C1orf185: variants seen among roughly 807,000 people sequenced by gnomAD.
C1orf185 encodes chromosome 1 open reading frame 185.
C1orf185 carries 13 observed loss-of-function variants against 16.1 expected under a neutral mutation model. That is an observed-to-expected ratio of 0.81 (90% CI 0.53 to 1.28). The LOEUF is 1.28. Among genes scored for constraint, C1orf185 ranks in the 50% most tolerant of loss-of-function variants. The pLI is 0.00. For synonymous variants in C1orf185, 80 were observed against 76.9 expected, an observed-to-expected ratio of 1.04 and a Z score of -0.21; for missense variants, 220 against 225.2, an observed-to-expected ratio of 0.98 and a Z score of 0.15.
intron 3 of C1orf185, among the ~76,000 whole-genome samples, chr1:51,142,689 A>G (rs1646373086): frequency 6.6e-6 from 1 of 152,142 alleles, no homozygotes; most frequent in African/African-American, 2.4e-5. Flanking sequence ...AAAGTTGTTC[A>G]TGATATTCCT....
chr1:51,126,756 G>A (rs1646243364), intron 3 of C1orf185, among the ~76,000 whole-genome samples: 1 of 152,028 alleles, frequency 6.6e-6, no homozygotes, highest in South Asian at 2.1e-4. Flanking sequence ...AACCAACACT[G>A]GTACATTATT....
downstream of C1orf185, among the ~76,000 whole-genome samples, chr1:51,152,052 T>A (rs1646431750): frequency 6.6e-6 from 1 of 152,136 alleles, no homozygotes; most frequent in Non-Finnish European, 1.5e-5. Flanking sequence ...ACAACTGAAC[T>A]GGGTCAAGCA....
chr1:51,135,626 T>C (rs537085634), intron 3 of C1orf185, among the ~76,000 whole-genome samples: 1 of 152,330 alleles, frequency 6.6e-6, no homozygotes, highest in Non-Finnish European at 1.5e-5. Context: ...TTAAGAATTC[T>C]TAATAAACTA....
At position 51,146,133 on chromosome 1, in the gene C1orf185, G is replaced by A. The variant is rs186728970; in HGVS notation, c.295+373G>A. On this transcript the variant is annotated intron_variant, in intron 4 of 4. Coordinates refer to ENST00000371759, the MANE Select transcript of C1orf185 (RefSeq NM_001136508.2). Reference sequence around the variant, plus strand: ...AATATAAAATATAACAAGATATTTTGCAGAGCTTTAAAAATGTAGAAAATA... The same window carrying A: ...AATATAAAATATAACAAGATATTTTACAGAGCTTTAAAAATGTAGAAAATA... Among the ~76,000 whole-genome samples, 201 of 152,012 alleles carry A rather than the reference G, an allele frequency of 1.3e-3. 2 individuals carry two copies. Among genetic ancestry groups the A allele is most frequent in the Middle Eastern group, 3.4e-3 (1 of 292 alleles).
At chr1:51,118,342 A>G (rs1172435438) in intron 2 of C1orf185, among the ~76,000 whole-genome samples, 1 of 152,238 alleles carries the variant, frequency 6.6e-6, no homozygotes, top group Non-Finnish European at 1.5e-5. Flanking sequence ...AAAACCAACT[A>G]ATTTTCTCAC....
At chr1:51,119,978 G>A (rs1432077614) in intron 3 of C1orf185, among the ~76,000 whole-genome samples, 3 of 151,646 alleles carry the variant, frequency 2.0e-5, no homozygotes, top group Non-Finnish European at 4.4e-5. Context: ...TTGAAGAAGT[G>A]CAGACAAAAA....
At chr1:51,146,386 G>A (rs994840575) in intron 4 of C1orf185, among the ~76,000 whole-genome samples, 4 of 151,014 alleles carry the variant, frequency 2.6e-5, no homozygotes, top group African/African-American at 9.7e-5. Flanking sequence ...TTGAACCCAG[G>A]AGGCGGAGGT....
Position 51,142,722 on chromosome 1 carries a change from G to T in C1orf185, c.259-3002G>T, listed in dbSNP as rs537555360. 4.6e-5 allele frequency among the ~76,000 whole-genome samples: 7 copies of T among 152,050 alleles called. No homozygotes were observed. In the East Asian group the frequency reaches 1.4e-3, roughly 29 times the overall value. ...CCTTTATTATTTATTTAATGTATCT[G>T]GTATCTGTAGTGATATTCTCTTGTT... On this transcript the variant is annotated intron_variant, in intron 3 of 4. Coordinates refer to ENST00000371759, the MANE Select transcript of C1orf185 (RefSeq NM_001136508.2).
intron 3 of C1orf185, among the ~76,000 whole-genome samples, chr1:51,135,072 T>C (rs2148027024): frequency 6.6e-6 from 1 of 152,312 alleles, no homozygotes; most frequent in East Asian, 1.9e-4. Flanking sequence ...CCTATATCTT[T>C]GAAGAACATT....
chr1:51,135,617 T>G (rs1646318244), intron 3 of C1orf185, among the ~76,000 whole-genome samples: 1 of 152,098 alleles, frequency 6.6e-6, no homozygotes. Flanking sequence ...AACTTCATGT[T>G]AAGAATTCTT....
chr1:51,121,680 T>C (rs1285993525), intron 3 of C1orf185, among the ~76,000 whole-genome samples: 2 of 152,116 alleles, frequency 1.3e-5, no homozygotes, highest in African/African-American at 2.4e-5. Flanking sequence ...GGCAGGAGGA[T>C]AAAATGATAA....
At chr1:51,139,731 C>T (rs368383318) in intron 3 of C1orf185, among the ~76,000 whole-genome samples, 2 of 152,062 alleles carry the variant, frequency 1.3e-5, no homozygotes, top group Non-Finnish European at 1.5e-5. Flanking sequence ...AAAACTTGTA[C>T]GAACCATTAT....
At chr1:51,142,775 T>C (rs1646373757) in intron 3 of C1orf185, among the ~76,000 whole-genome samples, 1 of 152,124 alleles carries the variant, frequency 6.6e-6, no homozygotes, top group South Asian at 2.1e-4. Flanking sequence ...TTTGGTTTTG[T>C]TTTTTGATTT....
At chr1:51,136,567 C>T (rs1051231090) in intron 3 of C1orf185, among the ~76,000 whole-genome samples, 6 of 152,090 alleles carry the variant, frequency 3.9e-5, no homozygotes, top group East Asian at 3.9e-4. Context: ...CATAGATCAA[C>T]GGAACAGAAT....
intron 2 of C1orf185, among the ~76,000 whole-genome samples, chr1:51,115,277 G>A (rs896320041): frequency 2.6e-5 from 4 of 152,170 alleles, no homozygotes; most frequent in African/African-American, 7.2e-5. Flanking sequence ...GGCAGAGGTT[G>A]CAGTGAGCTG....
At chr1:51,130,243 TG>T (rs1646273117) in intron 3 of C1orf185, among the ~76,000 whole-genome samples, 1 of 152,230 alleles carries the variant, frequency 6.6e-6, no homozygotes, top group African/African-American at 2.4e-5. Flanking sequence ...ATGCAGCTTC[TG>T]GTAAGAGTAT....
chr1:51,104,268 T>C (rs1007785153), intron 1 of C1orf185, among the ~76,000 whole-genome samples: 20 of 152,142 alleles, frequency 1.3e-4, no homozygotes, highest in Non-Finnish European at 1.2e-4. Context: ...AAACAGGTAG[T>C]TTGTGAATAC....
intron 4 of C1orf185, 56 bp downstream of exon 4, chr1:51,145,816 A>G (rs947052619): frequency 1.1e-6 from 1 of 925,720 alleles, no homozygotes; most frequent in Non-Finnish European, 1.5e-6. Flanking sequence ...AGCAATTCAC[A>G]TCTTGAGAAA....
downstream of C1orf185, among the ~76,000 whole-genome samples, chr1:51,152,074 C>G (rs918041434): frequency 6.6e-6 from 1 of 152,142 alleles, no homozygotes; most frequent in Admixed American, 6.6e-5. Context: ...TCTGCCTCAG[C>G]CTCCCAAGTA....
Sources: allele counts gnomAD v4.1 joint callset (sites outside exome capture counted in the v4.1 genomes callset), GRCh38; gene constraint gnomAD v4.1.1; transcripts MANE v1.5; gene names NCBI Gene and HGNC (gene_info 2026-07-23, HGNC 2026-07-21).